GPC5: variants seen among roughly 807,000 people sequenced by gnomAD.
The protein encoded by GPC5 is glypican 5.
In GPC5, 47 loss-of-function variants were observed where a neutral mutation model predicts 53.9. That is an observed-to-expected ratio of 0.87 (90% CI 0.69 to 1.11). GPC5 has a LOEUF of 1.11. GPC5 is among the 50% of genes most tolerant of loss of function. The pLI, the probability that GPC5 is intolerant of heterozygous loss-of-function variation, is 0.00. For missense variants in GPC5, 748 were observed against 713.1 expected, an observed-to-expected ratio of 1.05 and a Z score of -0.56; for synonymous variants, 286 against 263.3, an observed-to-expected ratio of 1.09 and a Z score of -0.84.
In GPC5 at chr13:92,707,688, C is replaced by T. The variant is rs147805650; in HGVS notation, c.1562-158594C>T. Among the ~76,000 whole-genome samples, 73 of 152,168 alleles carry T rather than the reference C, an allele frequency of 4.8e-4. 1 individual carries two copies. In the East Asian group the frequency reaches 0.013, roughly 27 times the overall value. The stretch of plus-strand genomic sequence containing the variant: ...ACTCCCTTTTCCAAGGAAAGACCAG[C>T]CAGGTTGTAATGAAAACACCTTTAA... On this transcript the variant is annotated intron_variant, in intron 7 of 7. Coordinates refer to ENST00000377067, the MANE Select transcript of GPC5 (RefSeq NM_004466.6).
At chr13:91,776,159 T>A (rs2037708427) in intron 5 of GPC5, among the ~76,000 whole-genome samples, 1 of 152,108 alleles carries the variant, frequency 6.6e-6, no homozygotes, top group African/African-American at 2.4e-5. Flanking sequence ...ACAGCTGAGA[T>A]GATGGTCCCT....
At chr13:92,761,579 A>G (rs182774854) in intron 7 of GPC5, among the ~76,000 whole-genome samples, 48 of 152,252 alleles carry the variant, frequency 3.2e-4, no homozygotes, top group African/African-American at 8.7e-4. Context: ...AGTATCTTCC[A>G]TCTCTTCACT....
chr13:92,262,872 T>C (rs2042776226), intron 7 of GPC5, among the ~76,000 whole-genome samples: 1 of 152,220 alleles, frequency 6.6e-6, no homozygotes, highest in African/African-American at 2.4e-5. Context: ...TCTCATCATG[T>C]GCTTCATTAG....
chr13:91,624,066 C>G (rs932553460), intron 2 of GPC5, among the ~76,000 whole-genome samples: 1 of 152,002 alleles, frequency 6.6e-6, no homozygotes, highest in African/African-American at 2.4e-5. Context: ...GAACGATTAG[C>G]AGTTTGACCA....
At chr13:92,040,773 A>C (rs189710260) in intron 6 of GPC5, among the ~76,000 whole-genome samples, 36 of 152,294 alleles carry the variant, frequency 2.4e-4, no homozygotes, top group Non-Finnish European at 4.0e-4. Context: ...TGTGTTTAAC[A>C]TTTGAAGTGT....
chr13:91,581,511 C>A (rs1167653219), intron 2 of GPC5, among the ~76,000 whole-genome samples: 1 of 152,108 alleles, frequency 6.6e-6, no homozygotes, highest in East Asian at 1.9e-4. Flanking sequence ...GCTGGTACTG[C>A]CTTCTGGTTT....
At chr13:92,827,448 C>G (rs987559829) in intron 7 of GPC5, among the ~76,000 whole-genome samples, 2 of 152,082 alleles carry the variant, frequency 1.3e-5, no homozygotes. Context: ...AATCTTACAA[C>G]CTTCCAACCT....
intron 7 of GPC5, among the ~76,000 whole-genome samples, chr13:92,518,613 A>T (rs1420574175): frequency 6.6e-6 from 1 of 152,172 alleles, no homozygotes; most frequent in Non-Finnish European, 1.5e-5. Flanking sequence ...GCCTTACAAG[A>T]GGCTCCTGAA....
At chr13:92,602,220 A>AAT (rs10675978) in intron 7 of GPC5, among the ~76,000 whole-genome samples, 29,085 of 107,668 alleles carry the variant, frequency 0.27, 5,357 homozygotes, top group African/African-American at 0.37. Context: ...CATATATATA[A>AAT]ATATATATAT....
chr13:91,887,088 G>T (rs2138961130), intron 5 of GPC5, among the ~76,000 whole-genome samples: 1 of 152,262 alleles, frequency 6.6e-6, no homozygotes, highest in African/African-American at 2.4e-5. Flanking sequence ...GCAAACTTCT[G>T]CCTGGACATC....
chr13:92,581,935 T>C (rs1398788648), intron 7 of GPC5, among the ~76,000 whole-genome samples: 11 of 152,160 alleles, frequency 7.2e-5, no homozygotes, highest in Admixed American at 7.2e-4. Flanking sequence ...GAGTTCCTTA[T>C]ATATTTTGGA....
chr13:92,713,608 CA>C (rs5805758), intron 7 of GPC5, among the ~76,000 whole-genome samples: 2,050 of 113,948 alleles, frequency 0.018, 48 homozygotes, highest in African/African-American at 0.056. Context: ...ACTCCAATCT[CA>C]AAAAAAAAAA....
chr13:91,494,271 T>C (rs180750126), intron 2 of GPC5, among the ~76,000 whole-genome samples: 1 of 151,704 alleles, frequency 6.6e-6, no homozygotes, highest in East Asian at 1.9e-4. Context: ...AAGATCTATC[T>C]CCTCTCTTTT....
intron 6 of GPC5, among the ~76,000 whole-genome samples, chr13:92,021,553 A>G (rs2040758625): frequency 6.6e-6 from 1 of 152,172 alleles, no homozygotes; most frequent in Non-Finnish European, 1.5e-5. Context: ...TTGCTGTATA[A>G]CATTGCACCT....
At chr13:92,224,293 C>A (rs966536570) in intron 7 of GPC5, among the ~76,000 whole-genome samples, 3 of 152,082 alleles carry the variant, frequency 2.0e-5, no homozygotes, top group African/African-American at 7.2e-5. Context: ...ATAAATGAAG[C>A]CTTAGGTAAT....
At chr13:91,567,672 C>A (rs2031595607) in intron 2 of GPC5, among the ~76,000 whole-genome samples, 1 of 152,174 alleles carries the variant, frequency 6.6e-6, no homozygotes, top group Non-Finnish European at 1.5e-5. Context: ...CTGGAGGATA[C>A]AGACTTTAGT....
intron 7 of GPC5, among the ~76,000 whole-genome samples, chr13:92,628,260 C>CTTTTTTTTTTTTTTTTTT (rs1286424637): frequency 1.9e-4 from 7 of 37,566 alleles, no homozygotes; most frequent in African/African-American, 5.8e-4. Flanking sequence ...TTTTCTTTTT[C>CTTTTTTTTTTTTTTTTTT]TTTCTTTTTT....
intron 6 of GPC5, among the ~76,000 whole-genome samples, chr13:92,125,073 C>T (rs2041684020): frequency 6.6e-6 from 1 of 152,192 alleles, no homozygotes. Flanking sequence ...TGCCCTCTCG[C>T]TTGCTTGCTT....
At chr13:91,952,264 T>C (rs547577663) in intron 6 of GPC5, among the ~76,000 whole-genome samples, 12 of 152,066 alleles carry the variant, frequency 7.9e-5, no homozygotes, top group Non-Finnish European at 1.5e-4. Context: ...TAGATAGATT[T>C]CTTCTATTCT....
Sources: allele counts gnomAD v4.1 joint callset (sites outside exome capture counted in the v4.1 genomes callset), GRCh38; gene constraint gnomAD v4.1.1; transcripts MANE v1.5; gene names NCBI Gene and HGNC (gene_info 2026-07-23, HGNC 2026-07-21).